Variants in ZIC3 observed in about 807,000 individuals in gnomAD.
ZIC3 encodes zinc finger protein ZIC 3.
ZIC3 carries 6 observed loss-of-function variants against 18.3 expected under a neutral mutation model. That is an observed-to-expected ratio of 0.33 (90% CI 0.18 to 0.65). The LOEUF (loss-of-function observed/expected upper bound fraction) is 0.65, where lower values mean the gene tolerates loss of function less well. ZIC3 is among the 30% of genes least tolerant of loss of function. The pLI, the probability that ZIC3 is intolerant of heterozygous loss-of-function variation, is 0.75. For missense variants in ZIC3, 260 were observed against 410.0 expected, an observed-to-expected ratio of 0.63 and a Z score of 3.16; for synonymous variants, 175 against 177.0, an observed-to-expected ratio of 0.99 and a Z score of 0.09.
rs1467197734 is a variant in ZIC3, at chrX:137,567,264, G to A, written c.573G>A (p.Glu191=). 4 of 1,209,955 alleles carry A rather than the reference G, an allele frequency of 3.3e-6. No individual in the cohort carries two copies. Among genetic ancestry groups the A allele is most frequent in the African/African-American group, 3.5e-5 (2 of 57,398 alleles). ...NNQVHLGLRG[E]LFGRADPYRP... ...AGGTCCACCTGGGGCTGCGTGGGGAGCTGTTCGGCCGTGCTGACCCATACC... is the reference window on the plus strand; with the variant it reads ...AGGTCCACCTGGGGCTGCGTGGGGAACTGTTCGGCCGTGCTGACCCATACC... Residue 191 remains glutamate (E), a synonymous_variant, in exon 1 of 3, where the codon GAG becomes GAA. Transcript: ENST00000287538.
rs1931337619 is a variant in ZIC3, at chrX:137,566,336, C to T, written c.-356C>T. 1 of 263,300 alleles carries T rather than the reference C, an allele frequency of 3.8e-6. No individual in the cohort carries two copies. Among genetic ancestry groups the T allele is most frequent in the South Asian group, 7.4e-5 (1 of 13,568 alleles). 21.7% of individuals were successfully genotyped at this position (263,300 alleles called of 1,213,427 possible). On this transcript the variant is annotated 5_prime_UTR_variant, in exon 1 of 3. Coordinates refer to ENST00000287538, the MANE Select transcript of ZIC3 (RefSeq NM_003413.4). Reference sequence around the variant, plus strand: ...TGCACTCGGGGAGAGGAGGGGTGCCCGGGACAGGATTGGCAAACTCCGCCC... The same window carrying T: ...TGCACTCGGGGAGAGGAGGGGTGCCTGGGACAGGATTGGCAAACTCCGCCC...
chrX:137,567,936 C>T (rs1360238013), intron 1 of ZIC3, among the ~76,000 whole-genome samples, 185 bp downstream of exon 1: 2 of 113,294 alleles, frequency 1.8e-5, no homozygotes, highest in African/African-American at 6.4e-5. Context: ...GCGCCTTTGC[C>T]GAGTTCTAAC....
Position 137,571,198 on chromosome X carries a change from T to G in ZIC3, c.*1128T>G, listed in dbSNP as rs766549633. The G allele has an allele frequency of 5.3e-5, 6 of 112,580 alleles. No individual in the cohort carries two copies. The East Asian group carries it at 1.7e-3, about 31-fold the overall frequency. 9.3% of individuals were successfully genotyped at this position (112,580 alleles called of 1,213,427 possible). A position where few individuals can be genotyped will look rare whatever the true frequency, so the allele number is the denominator to read the frequency against. ...GATTTAATCATCCCTGCCCTACATA[T>G]ATAAACATAAGGTAACCTACTGAAT... On this transcript the variant is annotated 3_prime_UTR_variant, in exon 3 of 3. Transcript: ENST00000287538.
downstream of ZIC3, among the ~76,000 whole-genome samples, chrX:137,573,124 T>A (rs1466654345): frequency 1.1e-4 from 6 of 52,194 alleles, no homozygotes; most frequent in Admixed American, 3.3e-4. Context: ...CCTTAGAGAG[T>A]AAGTACCCCC....
rs1289003512 is a variant in ZIC3 at position 137,567,349 on chromosome X, A to G, written c.658A>G (p.Ser220Gly). 2 of 1,209,941 alleles carry G rather than the reference A, an allele frequency of 1.7e-6. No homozygotes were observed. The highest frequency in any genetic ancestry group is 2.2e-6 in the Non-Finnish European group (2 of 895,281). ...GGCCGGCGCTCAGTTTCCTAACTAC[A>G]GCCCCATGAACATGAACATGGGAGT... ...YAAGAQFPNYSPMNMNMGVNV... is the reference protein window; with the variant it reads ...YAAGAQFPNYGPMNMNMGVNV... Residue 220 changes from serine (S) to glycine (G), a missense_variant, in exon 1 of 3, where the codon AGC becomes GGC. By Grantham distance (56) the Ser-to-Gly change is moderately conservative (BLOSUM62 0). Coordinates refer to ENST00000287538, the MANE Select transcript of ZIC3 (RefSeq NM_003413.4).
rs752936376 is a variant in ZIC3 at position 137,569,928 on chromosome X, C to T, written c.1262C>T (p.Ala421Val). 2 of 1,211,289 alleles carry T rather than the reference C, an allele frequency of 1.7e-6. No individual in the cohort carries two copies. The highest frequency in any genetic ancestry group is 1.7e-5 in the African/African-American group (1 of 57,710). ...CAAGGGTCAGATTCCTCCCCTGCTGCCAGTTCAGGCTATGAATCTTCCACT... is the reference window on the plus strand; with the variant it reads ...CAAGGGTCAGATTCCTCCCCTGCTGTCAGTTCAGGCTATGAATCTTCCACT... Reference protein sequence around the residue: ...ESQGSDSSPAASSGYESSTPP... With the variant: ...ESQGSDSSPAVSSGYESSTPP... Residue 421 changes from alanine to valine, a missense_variant, in exon 3 of 3, where the codon GCC becomes GTC. By Grantham distance (64) the Ala-to-Val change is moderately conservative. Around this residue, in one of 4 missense-constraint regions of ZIC3, gnomAD observed 52 missense variants for 111.5 expected, o/e 0.47. Coordinates refer to ENST00000287538, the MANE Select transcript of ZIC3 (RefSeq NM_003413.4).
At chrX:137,569,576 AGT>A (rs2124186262) in intron 2 of ZIC3, among the ~76,000 whole-genome samples, 1 of 112,457 alleles carries the variant, frequency 8.9e-6, no homozygotes, top group South Asian at 3.7e-4. Context: ...GCCCGGAGTT[AGT>A]ATTTTATAGG....
At chrX:137,575,021 C>T (rs1931497417), downstream of ZIC3, among the ~76,000 whole-genome samples, 1 of 111,729 alleles carries the variant, frequency 9.0e-6, no homozygotes, top group Non-Finnish European at 1.9e-5. Context: ...CGCCAGAGGC[C>T]TCCCCACCCA....
chrX:137,574,431 G>C (rs1191958692), downstream of ZIC3, among the ~76,000 whole-genome samples: 1 of 113,374 alleles, frequency 8.8e-6, no homozygotes, highest in Non-Finnish European at 1.9e-5. Flanking sequence ...ACGTGTGAGA[G>C]CCGGGCCAGG....
At chrX:137,568,846 T>C in intron 1 of ZIC3, 56 bp from the exon 2 acceptor site, 1 of 1,197,800 alleles carries the variant, frequency 8.3e-7, no homozygotes, top group Non-Finnish European at 1.1e-6. Context: ...TGCTTGCCTC[T>C]GAGAAACTCC....
At chrX:137,569,670 T>G (rs1254347745) in intron 2 of ZIC3, among the ~76,000 whole-genome samples, 1 of 112,139 alleles carries the variant, frequency 8.9e-6, no homozygotes, top group Non-Finnish European at 1.9e-5. Context: ...AATGCTTTAT[T>G]CCTTTTCCGT....
chrX:137,573,502 C>G (rs1191632931), downstream of ZIC3, among the ~76,000 whole-genome samples: 1 of 111,891 alleles, frequency 8.9e-6, no homozygotes, highest in Non-Finnish European at 1.9e-5. Flanking sequence ...AGGACTTCCT[C>G]GCTCCTCCCC....
chrX:137,566,461 T>TTCC lies in ZIC3; in HGVS notation c.-231_-230insTCC. ...TCTCCTCCCTTCTCCTCCCTCCTCC[T>TTCC]CCCCCCGCCAACACCCCCTCCCTGC... On this transcript the variant is annotated 5_prime_UTR_variant, in exon 1 of 3. Coordinates refer to ENST00000287538, the MANE Select transcript of ZIC3 (RefSeq NM_003413.4). 4.1e-5 allele frequency: 7 copies of TTCC among 169,153 alleles called. No homozygotes were observed. Among genetic ancestry groups the TTCC allele is most frequent in the Admixed American group, 7.2e-5 (1 of 13,838 alleles). The allele number at this position is 169,153 out of a possible 1,213,427, so 13.9% of individuals were successfully genotyped here.
Position 137,571,217 on chromosome X carries a change from ACTGAATTTTATGTCCCTTAGTT to A in ZIC3, c.*1150_*1171del, listed in dbSNP as rs1352487713. The A allele has an allele frequency of 8.9e-6, 1 of 112,533 alleles. No individual in the cohort carries two copies. The highest frequency in any genetic ancestry group is 1.9e-5 in the Non-Finnish European group (1 of 53,239). 9.3% of individuals were successfully genotyped at this position (112,533 alleles called of 1,213,427 possible). ...TACATATATAAACATAAGGTAACCT[ACTGAATTTTATGTCCCTTAGTT>A]CTTTATTACCTTACATAAAAATGAA... On this transcript the variant is annotated 3_prime_UTR_variant, in exon 3 of 3. Transcript: ENST00000287538.
downstream of ZIC3, among the ~76,000 whole-genome samples, chrX:137,575,163 T>A (rs185289730): frequency 1.9e-3 from 212 of 112,127 alleles, 1 homozygote; most frequent in African/African-American, 6.6e-3. Context: ...GACAGTATGT[T>A]CTCTTCCAGG....
rs369721947 is a variant in ZIC3, at chrX:137,566,961, C to T, written c.270C>T (p.His90=). Residue 90 remains histidine (H), a synonymous_variant, in exon 1 of 3, where the codon CAC becomes CAT. Transcript: ENST00000287538. ...CCAACGCCCTGGGCCACCATCACCA[C>T]CACCATCACCATCATCACCACACCA... ...GYANALGHHH[H]HHHHHHHTSQ... 3.1e-4 allele frequency: 358 copies of T among 1,166,376 alleles called. No homozygotes were observed. The African/African-American group carries it at 5.8e-3, about 19-fold the overall frequency.
Position 137,569,766 on chromosome X carries a change from C to T in ZIC3, c.1225-125C>T. 4.6e-6 allele frequency: 3 copies of T among 655,244 alleles called. No individual in the cohort carries two copies. The South Asian group carries it at 9.5e-5, about 21-fold the overall frequency. The allele number at this position is 655,244 out of a possible 1,213,427, so 54.0% of individuals were successfully genotyped here. A position where few individuals can be genotyped will look rare whatever the true frequency, so the allele number is the denominator to read the frequency against. ...GGTAATACGGATTTTTTTTAAGCAG[C>T]ATTTTTCTTTTAAGTGGGTCACTGG... is the stretch of plus-strand genomic sequence containing the variant. On this transcript the variant is annotated intron_variant, in intron 2 of 2. Transcript: ENST00000287538.
In ZIC3 at chrX:137,566,149, G is replaced by A. The variant is rs1238563977; in HGVS notation, c.-543G>A. On this transcript the variant is annotated 5_prime_UTR_variant, in exon 1 of 3. Coordinates refer to ENST00000287538, the MANE Select transcript of ZIC3 (RefSeq NM_003413.4). Reference sequence around the variant, plus strand: ...TTTATCAGTCCAAGGACATTACTCTGGAGGCGAAGAGGCTGGGACTCGCGC... The same window carrying A: ...TTTATCAGTCCAAGGACATTACTCTAGAGGCGAAGAGGCTGGGACTCGCGC... 7.1e-6 allele frequency: 1 copy of A among 141,630 alleles called. No homozygotes were observed. The highest frequency in any genetic ancestry group is 3.2e-5 in the African/African-American group (1 of 31,526). 11.7% of individuals were successfully genotyped at this position (141,630 alleles called of 1,213,427 possible).
chrX:137,569,038 C>T lies in ZIC3; in HGVS notation c.1197C>T (p.His399=). ...ICKVCDKSYT[H]PSSLRKHMKV... is the part of the protein sequence containing the mutation. Reference sequence around the variant, plus strand: ...AAGTGTGCGACAAGTCCTACACGCACCCGAGCTCCCTGCGCAAACACATGA... The same window carrying T: ...AAGTGTGCGACAAGTCCTACACGCATCCGAGCTCCCTGCGCAAACACATGA... The change falls in exon 2 of 3, where the codon CAC becomes CAT. Residue 399 remains histidine, a synonymous_variant. Transcript: ENST00000287538. 5 of 1,211,585 alleles carry T rather than the reference C, an allele frequency of 4.1e-6. No homozygotes were observed. Among genetic ancestry groups the T allele is most frequent in the Non-Finnish European group, 5.6e-6 (5 of 895,510 alleles).
Sources: allele counts gnomAD v4.1 joint callset (sites outside exome capture counted in the v4.1 genomes callset), GRCh38; gene constraint gnomAD v4.1.1; regional missense constraint gnomAD v4.1.1; transcripts MANE v1.5; gene names NCBI Gene and HGNC (gene_info 2026-07-23, HGNC 2026-07-21).